Variants in CPEB3 observed in about 807,000 individuals in gnomAD.
CPEB3 encodes cytoplasmic polyadenylation element-binding protein 3.
In CPEB3, 20 loss-of-function variants were observed where a neutral mutation model predicts 67.2. The ratio of observed to expected loss-of-function variants is 0.30; its 90% CI spans 0.21 to 0.43. CPEB3 has a LOEUF of 0.43. CPEB3 is among the 20% of genes least tolerant of loss of function. The pLI is 1.00. For synonymous variants in CPEB3, 376 were observed against 393.1 expected (o/e 0.96, Z 0.51); for missense variants, 746 against 968.6 (o/e 0.77, Z 3.05).
intron 9 of CPEB3, among the ~76,000 whole-genome samples, chr10:92,076,062 T>C (rs746868114): frequency 2.0e-5 from 3 of 152,216 alleles, no homozygotes; most frequent in Non-Finnish European, 4.4e-5. Flanking sequence ...GCTCTGCAGG[T>C]GGCCCACTCC....
At chr10:92,290,000 T>C (rs1273150146) in intron 1 of CPEB3, among the ~76,000 whole-genome samples, 2 of 151,098 alleles carry the variant, frequency 1.3e-5, no homozygotes, top group South Asian at 2.1e-4. Flanking sequence ...CTGGTCACAT[T>C]TTTTGGGTTT....
intron 2 of CPEB3, among the ~76,000 whole-genome samples, chr10:92,237,770 T>C (rs1851609760): frequency 1.3e-5 from 2 of 152,244 alleles, no homozygotes; most frequent in East Asian, 1.9e-4. Context: ...AATAAGCACA[T>C]AAATTCCAGA....
At chr10:92,263,666 C>T (rs963071174) in intron 1 of CPEB3, among the ~76,000 whole-genome samples, 1 of 152,072 alleles carries the variant, frequency 6.6e-6, no homozygotes, top group African/African-American at 2.4e-5. Context: ...GGGACATATT[C>T]TTACACAGCC....
chr10:92,089,575 A>G (rs7077333), intron 8 of CPEB3, among the ~76,000 whole-genome samples: 41,888 of 151,966 alleles, frequency 0.28, 5,874 homozygotes, highest in Middle Eastern at 0.33. Flanking sequence ...TCATGAGGTC[A>G]GGAGTTTGAA....
At position 92,196,359 on chromosome 10, in the gene CPEB3, T is replaced by G. The variant is rs141897661; in HGVS notation, c.1006-3723A>C. On this transcript the variant is annotated intron_variant, in intron 2 of 9. Coordinates refer to ENST00000265997, the MANE Select transcript of CPEB3 (RefSeq NM_014912.5). ...AGTATTAGAGAAACAGTTGGTGGCCTAGTTTTTAAAAGCACAGATTTTAAA... is the reference window on the plus strand; with the variant it reads ...AGTATTAGAGAAACAGTTGGTGGCCGAGTTTTTAAAAGCACAGATTTTAAA... Among the ~76,000 whole-genome samples, 450 of 152,310 alleles carry G rather than the reference T, an allele frequency of 3.0e-3. 3 individuals are homozygous for G. The highest frequency in any genetic ancestry group is 6.8e-3 in the Middle Eastern group (2 of 294).
intron 2 of CPEB3, among the ~76,000 whole-genome samples, chr10:92,208,067 C>G (rs868054688): frequency 2.6e-5 from 4 of 152,124 alleles, no homozygotes; most frequent in African/African-American, 9.7e-5. Context: ...AAAAGAACAC[C>G]TTGGTGAGGT....
At chr10:92,218,644 A>G (rs1437588330) in intron 2 of CPEB3, among the ~76,000 whole-genome samples, 2 of 152,186 alleles carry the variant, frequency 1.3e-5, no homozygotes, top group Admixed American at 6.5e-5. Flanking sequence ...CAGCCTACCC[A>G]CAAGTGAACT....
intron 1 of CPEB3, among the ~76,000 whole-genome samples, chr10:92,252,931 C>CT (rs35185549): frequency 0.19 from 28,525 of 148,956 alleles, 3,421 homozygotes; most frequent in Non-Finnish European, 0.28. Flanking sequence ...CTTAAAGTTC[C>CT]TTTTTTTTTT....
At chr10:92,068,842 A>G (rs1191247296) in intron 9 of CPEB3, among the ~76,000 whole-genome samples, 1 of 152,194 alleles carries the variant, frequency 6.6e-6, no homozygotes, top group Non-Finnish European at 1.5e-5. Flanking sequence ...TTTCTAGTCA[A>G]GGGCTCTGGG....
chr10:92,156,271 G>A (rs1847204755), intron 4 of CPEB3, among the ~76,000 whole-genome samples: 1 of 152,174 alleles, frequency 6.6e-6, no homozygotes, highest in South Asian at 2.1e-4. Flanking sequence ...AGGGTGACCT[G>A]TATGGCCAGA....
Position 92,291,065 on chromosome 10 carries a change from G to C in CPEB3, c.-151C>G, listed in dbSNP as rs1842846545. 5.4e-6 allele frequency: 1 copy of C among 186,612 alleles called. No individual in the cohort carries two copies. Among genetic ancestry groups the C allele is most frequent in the South Asian group, 1.2e-4 (1 of 8,588 alleles). The allele number at this position is 186,612 out of a possible 1,614,324, so 11.6% of individuals were successfully genotyped here. A position where few individuals can be genotyped will look rare whatever the true frequency, so the allele number is the denominator to read the frequency against. ...GGCGCGGAGGCGTTGGTCCGGGCGG[G>C]CTGTGCAGCCTCTAGTGGAGACGGT... On this transcript the variant is annotated 5_prime_UTR_variant, in exon 1 of 10. Coordinates refer to ENST00000265997, the MANE Select transcript of CPEB3 (RefSeq NM_014912.5).
In CPEB3 at chr10:92,126,462, G is replaced by A. The variant is rs1845613739; in HGVS notation, c.1454-15268C>T. ...ATGGTTAAGTTATGGCTAAAGGGCA[G>A]CTCAGACCTACAGCCCCAGTCTAAA... On this transcript the variant is annotated intron_variant, in intron 6 of 9. Transcript: ENST00000265997. Among the ~76,000 whole-genome samples the A allele has an allele frequency of 2.0e-5, 3 of 152,180 alleles. No individual in the cohort carries two copies. In the South Asian group the frequency reaches 6.2e-4, roughly 32 times the overall value.
intron 9 of CPEB3, among the ~76,000 whole-genome samples, chr10:92,063,193 T>C (rs1842422515): frequency 6.6e-6 from 1 of 152,212 alleles, no homozygotes; most frequent in African/African-American, 2.4e-5. Context: ...AATATTTCCG[T>C]CTGCAGTCAT....
At chr10:92,281,740 G>A (rs1484914519) in intron 1 of CPEB3, among the ~76,000 whole-genome samples, 1 of 152,168 alleles carries the variant, frequency 6.6e-6, no homozygotes, top group Admixed American at 6.6e-5. Context: ...TTTAATCATG[G>A]ACATTAAGTG....
intron 9 of CPEB3, among the ~76,000 whole-genome samples, chr10:92,071,835 A>G (rs1300598331): frequency 2.6e-5 from 4 of 152,170 alleles, no homozygotes; most frequent in African/African-American, 9.7e-5. Context: ...TCATTTTCAT[A>G]CTACAAAAAT....
intron 1 of CPEB3, among the ~76,000 whole-genome samples, chr10:92,249,239 C>T (rs1282144733): frequency 6.6e-6 from 1 of 152,056 alleles, no homozygotes; most frequent in Non-Finnish European, 1.5e-5. Flanking sequence ...ATTAGCAGGG[C>T]ATGGTGGCAC....
intron 4 of CPEB3, among the ~76,000 whole-genome samples, chr10:92,176,444 T>C (rs978743021): frequency 6.6e-6 from 1 of 152,238 alleles, no homozygotes; most frequent in African/African-American, 2.4e-5. Context: ...GGGATCTACC[T>C]AACTCCAGAT....
intron 1 of CPEB3, among the ~76,000 whole-genome samples, chr10:92,242,709 CA>C (rs1213094116): frequency 6.6e-6 from 1 of 151,980 alleles, no homozygotes; most frequent in Admixed American, 6.6e-5. Flanking sequence ...TGTACCTCAG[CA>C]AAAAAGCCAA....
chr10:92,232,728 AG>A (rs1851331177), intron 2 of CPEB3, among the ~76,000 whole-genome samples: 1 of 150,888 alleles, frequency 6.6e-6, no homozygotes, highest in Non-Finnish European at 1.5e-5. Flanking sequence ...ACTGCATTCC[AG>A]CCTGGGTGAC....
Sources: gnomAD v4.1 joint callset for allele counts (sites outside exome capture counted in the v4.1 genomes callset) on GRCh38, gnomAD v4.1.1 for gene constraint, MANE v1.5 for transcripts, NCBI Gene and HGNC (gene_info 2026-07-23, HGNC 2026-07-21) for gene names.